The following NHSL1 variants were observed in gnomAD, a reference collection of about 807,000 sequenced individuals.
The protein encoded by NHSL1 is NHS like 1, also known as NHS-like protein 1.
In NHSL1, 48 loss-of-function variants were observed where a neutral mutation model predicts 95.0. The ratio of observed to expected loss-of-function variants is 0.51; its 90% CI spans 0.40 to 0.64. The LOEUF is 0.64. Among genes scored for constraint, NHSL1 ranks in the 30% least tolerant of loss-of-function variants. The pLI, the probability that NHSL1 is intolerant of heterozygous loss-of-function variation, is 0.00. For synonymous variants in NHSL1, 783 were observed against 833.9 expected (o/e 0.94, Z 1.05); for missense variants, 1,971 against 2,077.7 (o/e 0.95, Z 1.00).
rs1212009110 is a variant in NHSL1 at position 138,431,729 on chromosome 6, C to G, written c.2616G>C (p.Val872=). 6.4e-7 allele frequency: 1 copy of G among 1,551,758 alleles called. No homozygotes were observed. The highest frequency in any genetic ancestry group is 2.0e-5 in the Admixed American group (1 of 51,014). ...GCTTCCCCTTCCCGTTTGCTGGTGA[C>G]ACTGATTTTAAAAACACAGGCACAG... ...LTPVPVFLKS[V]SPANGKGKPK... Residue 872 remains valine, a synonymous_variant, in exon 6 of 8, where the codon GTG becomes GTC. Coordinates refer to ENST00000343505, the MANE Select transcript of NHSL1 (RefSeq NM_001144060.2). This position sits in a 1 kb window ranked among gnomAD's most constrained non-coding sequence, Gnocchi z 4.0.
At chr6:138,558,759 C>A (rs1783298641) in intron 1 of NHSL1, among the ~76,000 whole-genome samples, 1 of 152,192 alleles carries the variant, frequency 6.6e-6, no homozygotes, top group African/African-American at 2.4e-5. Context: ...AAAAAAAACA[C>A]TACAGCCAGG....
intron 1 of NHSL1, among the ~76,000 whole-genome samples, chr6:138,668,966 G>A (rs544750024): frequency 4.3e-4 from 66 of 152,242 alleles, no homozygotes; most frequent in Admixed American, 9.8e-4. Context: ...CACGATGGAG[G>A]AAGCAAGGGA....
At chr6:138,506,727 T>C (rs1780981194) in intron 1 of NHSL1, among the ~76,000 whole-genome samples, 1 of 152,162 alleles carries the variant, frequency 6.6e-6, no homozygotes, top group Admixed American at 6.6e-5. Flanking sequence ...GAAGAACCAT[T>C]GGTTAGTAAT....
intron 1 of NHSL1, among the ~76,000 whole-genome samples, chr6:138,645,124 A>T (rs918290422): frequency 6.6e-6 from 1 of 152,226 alleles, no homozygotes; most frequent in Non-Finnish European, 1.5e-5. Context: ...GTTCTGTTCT[A>T]ATGATGTTTC....
rs373088787 is a variant in NHSL1 at position 138,431,078 on chromosome 6, C to T, written c.3267G>A (p.Ala1089=). ...GAGCTGTTCGTTCAGACAACTGTGC[C>T]GCCTCAGCGCCTGAGTTCTTTCTCA... ...RPVRKNSGAE[A]AQLSERTAQE... Residue 1089 remains alanine (A), a synonymous_variant, in exon 6 of 8, where the codon GCG becomes GCA. Transcript: ENST00000343505. This position sits in a 1 kb window ranked among gnomAD's most constrained non-coding sequence, Gnocchi z 4.0. 191 of 1,551,778 alleles carry T rather than the reference C, an allele frequency of 1.2e-4. No individual in the cohort carries two copies. The African/African-American group carries it at 2.2e-3, about 18-fold the overall frequency.
chr6:138,667,669 A>C (rs6570259), intron 1 of NHSL1, among the ~76,000 whole-genome samples: 6,373 of 152,302 alleles, frequency 0.042, 349 homozygotes, highest in African/African-American at 0.13. Context: ...GTAAATCAAA[A>C]TGCAAAACAG....
At chr6:138,572,962 G>A (rs1783896801), upstream of NHSL1, among the ~76,000 whole-genome samples, 1 of 152,080 alleles carries the variant, frequency 6.6e-6, no homozygotes, top group South Asian at 2.1e-4. Flanking sequence ...GAATATAACG[G>A]ACCCGGCTAT....
At chr6:138,687,243 C>T (rs1365022177) in intron 1 of NHSL1, among the ~76,000 whole-genome samples, 3 of 151,620 alleles carry the variant, frequency 2.0e-5, no homozygotes, top group Non-Finnish European at 4.4e-5. Flanking sequence ...CCAGACCAGC[C>T]TGCACAACGT....
At chr6:138,544,988 T>C (rs1030083223) in intron 1 of NHSL1, among the ~76,000 whole-genome samples, 6 of 127,300 alleles carry the variant, frequency 4.7e-5, no homozygotes, top group Admixed American at 8.2e-5. Context: ...CTTTTCTTTT[T>C]TTTTTTTTTT....
intron 1 of NHSL1, among the ~76,000 whole-genome samples, chr6:138,613,410 G>C (rs187766786): frequency 7.2e-5 from 11 of 152,316 alleles, no homozygotes; most frequent in African/African-American, 2.4e-4. Context: ...CTGGGTCCGA[G>C]AGTGTGAGCC....
At chr6:138,498,859 T>C (rs1017695159) in intron 1 of NHSL1, among the ~76,000 whole-genome samples, 5 of 152,200 alleles carry the variant, frequency 3.3e-5, no homozygotes, top group African/African-American at 7.2e-5. Flanking sequence ...CAAAAAATCA[T>C]ACACTTGATA....
intron 1 of NHSL1, among the ~76,000 whole-genome samples, chr6:138,538,748 CA>C (rs1405698939): frequency 1.3e-5 from 2 of 152,164 alleles, no homozygotes; most frequent in African/African-American, 4.8e-5. Context: ...TGCTGTCTTG[CA>C]AAATTTCACA....
At chr6:138,630,998 C>T (rs960309428) in intron 1 of NHSL1, among the ~76,000 whole-genome samples, 7 of 152,158 alleles carry the variant, frequency 4.6e-5, no homozygotes, top group African/African-American at 1.2e-4. Flanking sequence ...ATCACAGATG[C>T]CATCCCTCCA....
At chr6:138,585,432 G>A (rs892123540) in intron 1 of NHSL1, among the ~76,000 whole-genome samples, 31 of 152,228 alleles carry the variant, frequency 2.0e-4, no homozygotes, top group African/African-American at 7.0e-4. Flanking sequence ...GGCAAGGAAT[G>A]GTTCAAAGAA....
At chr6:138,676,982 CA>C (rs1306719036) in intron 1 of NHSL1, among the ~76,000 whole-genome samples, 2 of 152,190 alleles carry the variant, frequency 1.3e-5, no homozygotes, top group East Asian at 3.9e-4. Flanking sequence ...CAAACTGTTT[CA>C]ATCATGTTTG....
At chr6:138,479,724 T>C (rs757082703) in intron 2 of NHSL1, among the ~76,000 whole-genome samples, 1 of 152,242 alleles carries the variant, frequency 6.6e-6, no homozygotes, top group Non-Finnish European at 1.5e-5. Context: ...CATGCTATTA[T>C]CTACATGAGG....
chr6:138,668,162 T>C (rs977067067), intron 1 of NHSL1, among the ~76,000 whole-genome samples: 3 of 152,074 alleles, frequency 2.0e-5, no homozygotes, highest in East Asian at 1.9e-4. Context: ...AGAAAAGAAA[T>C]TGTGGCTGGG....
At chr6:138,516,935 A>C (rs573288111) in intron 1 of NHSL1, among the ~76,000 whole-genome samples, 1 of 152,324 alleles carries the variant, frequency 6.6e-6, no homozygotes, top group East Asian at 1.9e-4. Context: ...GCATCCAGGC[A>C]ACATGAAAGT....
chr6:138,577,761 ATCTT>A (rs1373723776), intron 1 of NHSL1, among the ~76,000 whole-genome samples: 1 of 152,174 alleles, frequency 6.6e-6, no homozygotes, highest in Non-Finnish European at 1.5e-5. Context: ...TTAAATGGAA[ATCTT>A]TCTATGAGGT....
Sources: gnomAD v4.1 joint callset for allele counts (sites outside exome capture counted in the v4.1 genomes callset) on GRCh38, gnomAD v4.1.1 for gene constraint, Gnocchi (gnomAD v3.1) non-coding constraint, MANE v1.5 for transcripts, NCBI Gene and HGNC (gene_info 2026-07-23, HGNC 2026-07-21) for gene names.